The following NUP160 variants were observed in gnomAD, a reference collection of about 807,000 sequenced individuals.
NUP160 encodes nucleoporin 160.
A neutral mutation model predicts 196.9 loss-of-function variants in NUP160; 94 were observed. That is an observed-to-expected ratio of 0.48 (90% CI 0.40 to 0.57). The LOEUF (loss-of-function observed/expected upper bound fraction) is 0.57. Among genes scored for constraint, NUP160 ranks in the 20% least tolerant of loss-of-function variants. The probability of loss-of-function intolerance (pLI) is 0.00; values close to 1 mark genes in which losing one functional copy is unlikely to be tolerated. For synonymous variants in NUP160, 605 were observed against 619.7 expected, an observed-to-expected ratio of 0.98 and a Z score of 0.35; for missense variants, 1,638 against 1,748.3, an observed-to-expected ratio of 0.94 and a Z score of 1.13.
chr11:47,828,108 A>G (rs1340590879), intron 7 of NUP160, among the ~76,000 whole-genome samples: 2 of 152,170 alleles, frequency 1.3e-5, no homozygotes, highest in African/African-American at 4.8e-5. Context: ...AGCTCAAGCA[A>G]TCTGCCCACC....
chr11:47,798,230 A>C, exon 25 of NUP160: 1 of 1,612,682 alleles, frequency 6.2e-7, no homozygotes, highest in Non-Finnish European at 8.5e-7. Flanking sequence ...CCAAATCCAA[A>C]TGATGTTTGA....
intron 11 of NUP160, among the ~76,000 whole-genome samples, chr11:47,816,952 T>C (rs1332796692): frequency 6.6e-6 from 1 of 150,826 alleles, no homozygotes; most frequent in Non-Finnish European, 1.5e-5. Context: ...CCAGAAGCCT[T>C]TGTAACCTTA....
chr11:47,823,029 T>C (rs1466366640), intron 7 of NUP160, among the ~76,000 whole-genome samples: 1 of 152,232 alleles, frequency 6.6e-6, no homozygotes, highest in Non-Finnish European at 1.5e-5. Flanking sequence ...ACAATAAATA[T>C]ATGTGTGCAT....
intron 19 of NUP160, chr11:47,806,567 G>C (rs1178527269): frequency 2.8e-6 from 1 of 355,364 alleles, no homozygotes; most frequent in Non-Finnish European, 5.1e-6. Context: ...CAAGACTTAA[G>C]TGCCTTCCCT....
At chr11:47,781,825 A>G (rs2097661025) in intron 34 of NUP160, among the ~76,000 whole-genome samples, 2 of 152,204 alleles carry the variant, frequency 1.3e-5, no homozygotes, top group Admixed American at 1.3e-4. Flanking sequence ...ATGCCATATT[A>G]TTTTGATAGA....
chr11:47,840,207 C>T (rs1343433480), intron 3 of NUP160, 142 bp from the exon 4 acceptor site: 1 of 843,478 alleles, frequency 1.2e-6, no homozygotes, highest in East Asian at 2.6e-5. Flanking sequence ...AACTAATTCT[C>T]AACTTAAAAT....
intron 4 of NUP160, among the ~76,000 whole-genome samples, chr11:47,837,947 T>C (rs1426727590): frequency 6.6e-6 from 1 of 152,230 alleles, no homozygotes; most frequent in African/African-American, 2.4e-5. Context: ...CAGTTCTAGA[T>C]GGTAGTGACA....
exon 1 of NUP160, chr11:47,848,268 A>G (rs779504610): frequency 6.2e-7 from 1 of 1,614,152 alleles, no homozygotes; most frequent in South Asian, 1.1e-5. Context: ...TTTCGCGCTC[A>G]GCTCCGCTTA....
intron 13 of NUP160, 38 bp downstream of exon 13, chr11:47,815,441 G>C: frequency 6.7e-7 from 1 of 1,503,382 alleles, no homozygotes; most frequent in Non-Finnish European, 8.9e-7. Flanking sequence ...CCACTGAACT[G>C]TCTCAAGAAG....
intron 32 of NUP160, among the ~76,000 whole-genome samples, chr11:47,785,643 T>A (rs546296103): frequency 6.6e-6 from 1 of 152,340 alleles, no homozygotes; most frequent in South Asian, 2.1e-4. Context: ...GCATAATTCA[T>A]TTAACTCCTT....
At chr11:47,824,052 TACAC>T (rs59415997) in intron 7 of NUP160, among the ~76,000 whole-genome samples, 1 of 93,798 alleles carries the variant, frequency 1.1e-5, no homozygotes, top group Non-Finnish European at 2.0e-5. Flanking sequence ...TATATATATA[TACAC>T]ACACACATAG....
chr11:47,806,521 C>T, intron 19 of NUP160: 1 of 487,832 alleles, frequency 2.0e-6, no homozygotes, highest in African/African-American at 1.9e-5. Context: ...ACACCATTCA[C>T]ATCAAAGTTA....
intron 19 of NUP160, among the ~76,000 whole-genome samples, chr11:47,806,758 T>C (rs1212598179): frequency 1.3e-5 from 2 of 149,714 alleles, no homozygotes; most frequent in Non-Finnish European, 2.9e-5. Context: ...TGTTAATCAC[T>C]GGAGCATCAA....
chr11:47,786,747 A>C (rs2135344438), intron 31 of NUP160, among the ~76,000 whole-genome samples, 193 bp from the exon 32 acceptor site: 1 of 152,294 alleles, frequency 6.6e-6, no homozygotes, highest in Middle Eastern at 3.4e-3. Flanking sequence ...GCATTAAGAG[A>C]CAATTTACTT....
chr11:47,796,808 C>A (rs751409027), intron 27 of NUP160, among the ~76,000 whole-genome samples: 9 of 152,184 alleles, frequency 5.9e-5, no homozygotes, highest in Non-Finnish European at 8.8e-5. Context: ...CCTCCACCTT[C>A]TGGGTTCAAG....
At chr11:47,796,514 G>A in intron 27 of NUP160, 6 of 254,474 alleles carry the variant, frequency 2.4e-5, no homozygotes, top group South Asian at 2.8e-4. Flanking sequence ...GAGAGAGAGA[G>A]GAAGGAAGGG....
intron 29 of NUP160, among the ~76,000 whole-genome samples, chr11:47,790,773 T>C (rs947342370): frequency 5.3e-5 from 8 of 152,072 alleles, no homozygotes; most frequent in African/African-American, 1.9e-4. Context: ...AACAAACAGG[T>C]TTAGGCAAGT....
At chr11:47,810,422 C>T (rs1432115589) in intron 17 of NUP160, among the ~76,000 whole-genome samples, 1 of 152,054 alleles carries the variant, frequency 6.6e-6, no homozygotes, top group African/African-American at 2.4e-5. Flanking sequence ...AACTTCTAGG[C>T]TCAAGCAACC....
At chr11:47,794,313 GA>G (rs2097669632) in intron 27 of NUP160, among the ~76,000 whole-genome samples, 1 of 152,170 alleles carries the variant, frequency 6.6e-6, no homozygotes, top group African/African-American at 2.4e-5. Flanking sequence ...CCAACAGGGT[GA>G]AACCCCGTCT....
Sources: allele counts gnomAD v4.1 joint callset (sites outside exome capture counted in the v4.1 genomes callset), GRCh38; gene constraint gnomAD v4.1.1; transcripts MANE v1.5; gene names NCBI Gene and HGNC (gene_info 2026-07-23, HGNC 2026-07-21).